The following PIAS1 variants were observed in gnomAD, a reference collection of about 807,000 sequenced individuals.
PIAS1 encodes E3 SUMO-protein ligase PIAS1.
Under a neutral mutation model 71.3 loss-of-function variants are expected in PIAS1, and 6 were observed. That is an observed-to-expected ratio of 0.08 (90% CI 0.05 to 0.17). The LOEUF is 0.17. PIAS1 is among the 10% of genes least tolerant of loss of function. The pLI is 1.00. For missense variants in PIAS1, 555 were observed against 793.6 expected (o/e 0.70, Z 3.61); for synonymous variants, 303 against 292.9 (o/e 1.03, Z -0.35).
chr15:68,154,909 T>C (rs963336326), intron 7 of PIAS1, among the ~76,000 whole-genome samples: 1 of 152,196 alleles, frequency 6.6e-6, no homozygotes, highest in Non-Finnish European at 1.5e-5. Flanking sequence ...TAACTTGTCT[T>C]CTATCACAAT....
At chr15:68,108,140 T>G (rs947558022) in intron 2 of PIAS1, among the ~76,000 whole-genome samples, 1 of 152,190 alleles carries the variant, frequency 6.6e-6, no homozygotes, top group African/African-American at 2.4e-5. Flanking sequence ...CCTGCCACAT[T>G]GCTTGGATCC....
At chr15:68,166,888 C>G (rs901722617) in intron 8 of PIAS1, among the ~76,000 whole-genome samples, 56 of 152,100 alleles carry the variant, frequency 3.7e-4, no homozygotes, top group African/African-American at 1.3e-3. Context: ...TGCAGTGCTG[C>G]CATCTCAGGT....
At chr15:68,128,946 T>G (rs1179037214) in intron 2 of PIAS1, among the ~76,000 whole-genome samples, 2 of 152,074 alleles carry the variant, frequency 1.3e-5, no homozygotes, top group African/African-American at 4.8e-5. Context: ...CTTGGAAAAC[T>G]AAAAGACATG....
rs972342457 is a variant in PIAS1, at chr15:68,185,229, C to T, written c.1662+1562C>T. On this transcript the variant is annotated intron_variant, in intron 13 of 13. Transcript: ENST00000249636. This position sits in a 1 kb window ranked among gnomAD's most constrained non-coding sequence, Gnocchi z 4.4. ...ATCTTTGCCCAGGCTATTGCTGCAA[C>T]TGAAAAACACCGAGAGGACACTGAT... Among the ~76,000 whole-genome samples, 1 of 152,046 alleles carries T rather than the reference C, an allele frequency of 6.6e-6. No homozygotes were observed. The highest frequency in any genetic ancestry group is 1.5e-5 in the Non-Finnish European group (1 of 68,004).
intron 7 of PIAS1, among the ~76,000 whole-genome samples, chr15:68,161,379 C>G (rs549476905): frequency 6.6e-6 from 1 of 151,940 alleles, no homozygotes; most frequent in Non-Finnish European, 1.5e-5. Context: ...CCAAATTAAT[C>G]TGTAGAATTA....
chr15:68,140,121 G>A (rs1334988872), intron 2 of PIAS1, among the ~76,000 whole-genome samples: 1 of 151,972 alleles, frequency 6.6e-6, no homozygotes, highest in Admixed American at 6.6e-5. Flanking sequence ...GAAGTGTAGG[G>A]GCTATTATTA....
At chr15:68,157,159 G>C (rs1025585936) in intron 7 of PIAS1, among the ~76,000 whole-genome samples, 1 of 152,114 alleles carries the variant, frequency 6.6e-6, no homozygotes, top group East Asian at 1.9e-4. Context: ...CAGATTGCAG[G>C]GGGGAGATCA....
intron 6 of PIAS1, among the ~76,000 whole-genome samples, chr15:68,147,939 A>C (rs1212033757): frequency 6.6e-6 from 1 of 152,096 alleles, no homozygotes; most frequent in Admixed American, 6.5e-5. Context: ...ATGAACTCAT[A>C]TGTATCCACC....
intron 1 of PIAS1, among the ~76,000 whole-genome samples, chr15:68,063,785 A>G (rs923502010): frequency 2.6e-5 from 4 of 152,144 alleles, no homozygotes; most frequent in Non-Finnish European, 5.9e-5. Flanking sequence ...AATAATAGGC[A>G]TTATTTACGT....
At position 68,185,857 on chromosome 15, in the gene PIAS1, G is replaced by T. The variant is rs569974604; in HGVS notation, c.1663-1685G>T. Reference sequence around the variant, plus strand: ...CACGCCTGTAATCCCAGCTACTCGGGAGGCTGAGGCAGAAGAATCACTTGA... The same window carrying T: ...CACGCCTGTAATCCCAGCTACTCGGTAGGCTGAGGCAGAAGAATCACTTGA... On this transcript the variant is annotated intron_variant, in intron 13 of 13. Transcript: ENST00000249636. This position sits in a 1 kb window ranked among gnomAD's most constrained non-coding sequence, Gnocchi z 4.4. 3.1e-4 allele frequency among the ~76,000 whole-genome samples: 47 copies of T among 152,288 alleles called. 1 individual carries two copies. The highest frequency in any genetic ancestry group is 1.4e-3 in the Admixed American group (22 of 15,304).
intron 1 of PIAS1, among the ~76,000 whole-genome samples, chr15:68,079,088 T>G (rs143318365): frequency 1.3e-5 from 2 of 152,160 alleles, no homozygotes; most frequent in Admixed American, 1.3e-4. Flanking sequence ...CCTGTAAGAT[T>G]GTAATTTGGT....
At chr15:68,139,000 A>G (rs28635563) in intron 2 of PIAS1, among the ~76,000 whole-genome samples, 1,740 of 152,290 alleles carry the variant, frequency 0.011, 30 homozygotes, top group African/African-American at 0.04. Context: ...GGCCTCATAT[A>G]TTTTGACTCA....
At chr15:68,092,634 G>A (rs1040320039) in intron 2 of PIAS1, among the ~76,000 whole-genome samples, 3 of 152,204 alleles carry the variant, frequency 2.0e-5, no homozygotes, top group African/African-American at 7.2e-5. Context: ...CCTTTAGCAG[G>A]TGATTAGGTA....
chr15:68,103,408 G>A (rs1394465372), intron 2 of PIAS1, among the ~76,000 whole-genome samples: 1 of 149,650 alleles, frequency 6.7e-6, no homozygotes, highest in Non-Finnish European at 1.5e-5. Context: ...CTTTTGTGGT[G>A]TTTATTTTTG....
rs1175793497 is a variant in PIAS1 at position 68,173,854 on chromosome 15, T to C, written c.1131T>C (p.Cys377=). Residue 377 remains cysteine (C), a synonymous_variant, in exon 9 of 14, where the codon TGT becomes TGC. Coordinates refer to ENST00000249636, the MANE Select transcript of PIAS1 (RefSeq NM_016166.3). This position sits in a 1 kb window ranked among gnomAD's most constrained non-coding sequence, Gnocchi z 4.3. ...AACCAACCTGGGTTTGTCCTGTCTG[T>C]GATAAGAAGGCTCCATATGAACACC... ...EKKPTWVCPV[C]DKKAPYEHLI... 1 of 1,587,832 alleles carries C rather than the reference T, an allele frequency of 6.3e-7. No individual in the cohort carries two copies. Among genetic ancestry groups the C allele is most frequent in the East Asian group, 2.2e-5 (1 of 44,558 alleles).
In PIAS1 at chr15:68,078,924, T is replaced by G. The variant is rs117442673; in HGVS notation, c.25-7382T>G. On this transcript the variant is annotated intron_variant, in intron 1 of 13. Coordinates refer to ENST00000249636, the MANE Select transcript of PIAS1 (RefSeq NM_016166.3). ...ATATAGAAAGATTTCACTAACTGTA[T>G]GTATTGTATTTCCCCAACTGTAGAA... Among the ~76,000 whole-genome samples, 933 of 152,326 alleles carry G rather than the reference T, an allele frequency of 6.1e-3. 4 individuals carry two copies. Among genetic ancestry groups the G allele is most frequent in the East Asian group, 0.032 (168 of 5,190 alleles).
intron 1 of PIAS1, among the ~76,000 whole-genome samples, chr15:68,074,980 T>C (rs936933697): frequency 4.0e-5 from 6 of 151,870 alleles, no homozygotes; most frequent in African/African-American, 1.2e-4. Context: ...TCACGAAGAA[T>C]GTGTAATATG....
At position 68,191,759 on chromosome 15, in the gene PIAS1, A is replaced by G. The variant is rs1241662555; in HGVS notation, c.*3924A>G. ...GTAAACAACACTAGGTGCTAGAGAA[A>G]CCAGCTGGAATTTCAGGAATGAGCT... is the stretch of plus-strand genomic sequence containing the variant. On this transcript the variant is annotated 3_prime_UTR_variant, in exon 14 of 14. Transcript: ENST00000249636. 2 of 152,228 alleles carry G rather than the reference A, an allele frequency of 1.3e-5. No homozygotes were observed. The highest frequency in any genetic ancestry group is 6.5e-5 in the Admixed American group (1 of 15,290). 9.4% of individuals were successfully genotyped at this position (152,228 alleles called of 1,614,324 possible).
At chr15:68,123,981 T>TACACACAC (rs201775354) in intron 2 of PIAS1, among the ~76,000 whole-genome samples, 1 of 21,592 alleles carries the variant, frequency 4.6e-5, no homozygotes, top group Non-Finnish European at 9.2e-5. Flanking sequence ...TATGTGTGAA[T>TACACACAC]ATACACACAC....
Sources: gnomAD v4.1 joint callset for allele counts (sites outside exome capture counted in the v4.1 genomes callset) on GRCh38, gnomAD v4.1.1 for gene constraint, Gnocchi (gnomAD v3.1) non-coding constraint, MANE v1.5 for transcripts, NCBI Gene and HGNC (gene_info 2026-07-23, HGNC 2026-07-21) for gene names.